Variants in IGSF5 observed in about 807,000 individuals in gnomAD.
IGSF5 encodes the protein immunoglobulin superfamily 5 like.
A neutral mutation model predicts 39.4 loss-of-function variants in IGSF5; 41 were observed. That is an observed-to-expected ratio of 1.04 (90% CI 0.81 to 1.35). The LOEUF (loss-of-function observed/expected upper bound fraction) is 1.35, where lower values mean the gene tolerates loss of function less well. Ranked by LOEUF, IGSF5 falls within the 40% of genes most tolerant of loss-of-function variation. The probability of loss-of-function intolerance (pLI) is 0.00; values close to 1 mark genes in which losing one functional copy is unlikely to be tolerated. For synonymous variants in IGSF5, 183 were observed against 175.3 expected (o/e 1.04, Z -0.34); for missense variants, 487 against 494.6 (o/e 0.98, Z 0.15).
intron 2 of IGSF5, among the ~76,000 whole-genome samples, chr21:39,758,761 C>G (rs1181578136): frequency 6.6e-6 from 1 of 152,128 alleles, no homozygotes; most frequent in Non-Finnish European, 1.5e-5. Context: ...TTTTCACAGC[C>G]AGCTTTGGTT....
intron 6 of IGSF5, among the ~76,000 whole-genome samples, chr21:39,788,626 A>C (rs975693547): frequency 1.3e-5 from 2 of 152,244 alleles, no homozygotes; most frequent in Non-Finnish European, 2.9e-5. Flanking sequence ...CTGTCCAGGC[A>C]GACAAATTAG....
rs374509980 is a variant in IGSF5, at chr21:39,745,414, G to C, written c.-96G>C. Reference sequence around the variant, plus strand: ...GAGGAAATGAAAGTCTGAACCATTAGTACCTAGGAGGCAGGGATCAGAGGA... The same window carrying C: ...GAGGAAATGAAAGTCTGAACCATTACTACCTAGGAGGCAGGGATCAGAGGA... On this transcript the variant is annotated 5_prime_UTR_variant, in exon 1 of 9. Transcript: ENST00000380588. The C allele has an allele frequency of 1.9e-5, 13 of 681,872 alleles. No homozygotes were observed. Among genetic ancestry groups the C allele is most frequent in the South Asian group, 1.4e-4 (9 of 64,024 alleles). The allele number at this position is 681,872 out of a possible 1,614,324, so 42.2% of individuals were successfully genotyped here.
At chr21:39,753,784 G>A (rs778799997) in intron 2 of IGSF5, among the ~76,000 whole-genome samples, 7 of 151,500 alleles carry the variant, frequency 4.6e-5, no homozygotes, top group East Asian at 1.9e-4. Flanking sequence ...TGTTTTGTCT[G>A]AAATAAGAAT....
Position 39,779,073 on chromosome 21 carries a change from A to G in IGSF5, c.719-17A>G, listed in dbSNP as rs755199366. 1.2e-6 allele frequency: 2 copies of G among 1,610,292 alleles called. No individual in the cohort carries two copies. The highest frequency in any genetic ancestry group is 1.1e-5 in the South Asian group (1 of 90,828). On this transcript the variant is annotated splice_polypyrimidine_tract_variant and intron_variant, in intron 4 of 8. Transcript: ENST00000380588. ...GGCAGTGCAAGTATCACTAAAATAT[A>G]TTTTTTTCTTCTTTAGACACTGGAG...
the IGSF5 span, among the ~76,000 whole-genome samples, chr21:39,724,421 G>A: frequency 1.3e-5 from 2 of 152,290 alleles, no homozygotes; most frequent in African/African-American, 4.8e-5. Flanking sequence ...ACGTGTTGTG[G>A]GAGGGACCCT....
At chr21:39,712,940 G>A in the IGSF5 span, among the ~76,000 whole-genome samples, 606 of 152,176 alleles carry the variant, frequency 4.0e-3, 4 homozygotes, top group African/African-American at 0.012. Context: ...TTTTAACCTC[G>A]GGCCACTTTT....
At chr21:39,785,664 T>A (rs1368936020) in intron 5 of IGSF5, among the ~76,000 whole-genome samples, 1 of 152,032 alleles carries the variant, frequency 6.6e-6, no homozygotes, top group African/African-American at 2.4e-5. Context: ...GCCATTTTCA[T>A]GATATTGATT....
chr21:39,728,171 G>A, the IGSF5 span, among the ~76,000 whole-genome samples: 1 of 152,112 alleles, frequency 6.6e-6, no homozygotes, highest in South Asian at 2.1e-4. Flanking sequence ...TCCCCAAAAA[G>A]ATATGTTCAC....
intron 3 of IGSF5, 77 bp downstream of exon 3, chr21:39,765,929 G>A (rs564488616): frequency 3.6e-5 from 46 of 1,289,468 alleles, no homozygotes; most frequent in Middle Eastern, 4.5e-4. Flanking sequence ...AGTTCATGCC[G>A]CGTATGATGG....
At chr21:39,731,294 A>C in the IGSF5 span, among the ~76,000 whole-genome samples, 1,759 of 152,238 alleles carry the variant, frequency 0.012, 28 homozygotes, top group African/African-American at 0.037. Flanking sequence ...GTTTGTTTTT[A>C]GGTCTATTAA....
At chr21:39,750,134 C>T (rs1033536533) in intron 2 of IGSF5, among the ~76,000 whole-genome samples, 7 of 152,182 alleles carry the variant, frequency 4.6e-5, no homozygotes, top group Admixed American at 4.6e-4. Flanking sequence ...CCCAGCTTGA[C>T]TTTCTCCCTT....
intron 2 of IGSF5, among the ~76,000 whole-genome samples, chr21:39,765,216 A>C (rs1366886263): frequency 6.6e-6 from 1 of 152,102 alleles, no homozygotes; most frequent in Non-Finnish European, 1.5e-5. Flanking sequence ...TGAGATCCTT[A>C]CCTAATTACA....
chr21:39,716,419 T>G, the IGSF5 span, among the ~76,000 whole-genome samples: 2 of 152,190 alleles, frequency 1.3e-5, no homozygotes, highest in South Asian at 4.1e-4. Context: ...TCATGGGGGC[T>G]TGTTGTACCT....
chr21:39,711,878 G>A, the IGSF5 span, among the ~76,000 whole-genome samples: 2 of 152,118 alleles, frequency 1.3e-5, no homozygotes, highest in East Asian at 1.9e-4. Flanking sequence ...CCTTTCAGAT[G>A]GTGACACCTT....
At chr21:39,767,827 G>A (rs973618620) in intron 3 of IGSF5, among the ~76,000 whole-genome samples, 8 of 152,190 alleles carry the variant, frequency 5.3e-5, no homozygotes, top group African/African-American at 1.9e-4. Context: ...AGTCAATAAA[G>A]CCTTCATGGA....
intron 4 of IGSF5, among the ~76,000 whole-genome samples, chr21:39,774,076 G>A (rs1461015293): frequency 6.6e-6 from 1 of 152,212 alleles, no homozygotes; most frequent in African/African-American, 2.4e-5. Flanking sequence ...GAGGCTCAGT[G>A]GGTGCTTGCA....
intron 2 of IGSF5, among the ~76,000 whole-genome samples, chr21:39,765,293 C>T (rs910588641): frequency 6.6e-6 from 1 of 152,156 alleles, no homozygotes; most frequent in African/African-American, 2.4e-5. Context: ...TTGAGGAATA[C>T]TATTCAACCC....
chr21:39,776,544 GT>G (rs1199055720), intron 4 of IGSF5, among the ~76,000 whole-genome samples: 4 of 152,192 alleles, frequency 2.6e-5, no homozygotes, highest in African/African-American at 9.7e-5. Context: ...ACAAAAGAGT[GT>G]TTAAAGTCCC....
intron 8 of IGSF5, among the ~76,000 whole-genome samples, chr21:39,796,120 G>A (rs1364556270): frequency 1.3e-5 from 2 of 152,168 alleles, no homozygotes; most frequent in Admixed American, 6.5e-5. Context: ...ACTTAGAGGA[G>A]GAATGAGCAA....
Sources: allele counts gnomAD v4.1 joint callset (sites outside exome capture counted in the v4.1 genomes callset), GRCh38; gene constraint gnomAD v4.1.1; transcripts MANE v1.5; gene names NCBI Gene and HGNC (gene_info 2026-07-23, HGNC 2026-07-21).